The following URI1 variants were observed in gnomAD, a reference collection of about 807,000 sequenced individuals.
URI1 encodes the protein URI1 prefoldin like chaperone.
In URI1, 39 loss-of-function variants were observed where a neutral mutation model predicts 60.2. The ratio of observed to expected loss-of-function variants is 0.65; its 90% CI spans 0.50 to 0.85. The LOEUF (loss-of-function observed/expected upper bound fraction) is 0.85, where lower values mean the gene tolerates loss of function less well. Ranked by LOEUF, URI1 falls within the 40% of genes least tolerant of loss-of-function variation. The pLI, the probability that URI1 is intolerant of heterozygous loss-of-function variation, is 0.00. For synonymous variants in URI1, 251 were observed against 236.8 expected (o/e 1.06, Z -0.55); for missense variants, 691 against 665.9 (o/e 1.04, Z -0.42).
Position 29,937,122 on chromosome 19 carries a change from GTTCT to G in URI1, c.63+13374_63+13377del, listed in dbSNP as rs1167388281. 2.6e-5 allele frequency among the ~76,000 whole-genome samples: 4 copies of G among 152,132 alleles called. 1 individual carries two copies. Among genetic ancestry groups the G allele is most frequent in the Admixed American group, 1.3e-4 (2 of 15,266 alleles). On this transcript the variant is annotated intron_variant, in intron 1 of 10. Coordinates refer to the URI1 transcript ENST00000360605. ...AATTGCCTTATCTTCAAGTTCACTG[GTTCT>G]TTCTTCTTCCTGATTCTTCAGATCA... is the stretch of plus-strand genomic sequence containing the variant.
At chr19:29,932,750 C>T (rs1038509248) in intron 1 of URI1, among the ~76,000 whole-genome samples, 3 of 150,940 alleles carry the variant, frequency 2.0e-5, no homozygotes, top group African/African-American at 7.3e-5. Context: ...CTCCCGGGTT[C>T]AAGCAATTCT....
At chr19:29,951,924 C>T (rs538916754) in intron 1 of URI1, among the ~76,000 whole-genome samples, 26 of 152,148 alleles carry the variant, frequency 1.7e-4, no homozygotes, top group Non-Finnish European at 3.2e-4. Flanking sequence ...CTGTAGTTTG[C>T]CTTAGTCCTG....
chr19:29,977,281 A>G (rs2055535383), intron 2 of URI1, among the ~76,000 whole-genome samples: 1 of 152,146 alleles, frequency 6.6e-6, no homozygotes, highest in African/African-American at 2.4e-5. Flanking sequence ...TATCATTGTA[A>G]CAATGCCATG....
chr19:29,972,902 A>G (rs2055476627), intron 2 of URI1, among the ~76,000 whole-genome samples: 1 of 152,166 alleles, frequency 6.6e-6, no homozygotes, highest in Non-Finnish European at 1.5e-5. Flanking sequence ...TTGAAGTAAT[A>G]TAGTACTTTA....
chr19:29,951,297 C>G (rs1322577433), intron 1 of URI1, among the ~76,000 whole-genome samples: 1 of 152,174 alleles, frequency 6.6e-6, no homozygotes, highest in African/African-American at 2.4e-5. Context: ...TCCTCAAAAG[C>G]CTTTTGCCAT....
chr19:29,945,899 T>C (rs2055097343), intron 1 of URI1, among the ~76,000 whole-genome samples: 1 of 152,216 alleles, frequency 6.6e-6, no homozygotes, highest in Non-Finnish European at 1.5e-5. Context: ...ATAAAACTTA[T>C]TTTAATTTTA....
chr19:29,999,237 T>G (rs1159405966), intron 4 of URI1, among the ~76,000 whole-genome samples: 3 of 152,248 alleles, frequency 2.0e-5, no homozygotes, highest in Non-Finnish European at 4.4e-5. Flanking sequence ...ACAGTAATAC[T>G]TATTTTTGCC....
chr19:29,994,301 C>T (rs1049912267), intron 4 of URI1, among the ~76,000 whole-genome samples: 1 of 151,592 alleles, frequency 6.6e-6, no homozygotes, highest in Non-Finnish European at 1.5e-5. Flanking sequence ...TCCTCCTTTT[C>T]CTCCCCTCCC....
intron 3 of URI1, among the ~76,000 whole-genome samples, chr19:29,985,713 G>A (rs978432990): frequency 6.6e-6 from 1 of 151,812 alleles, no homozygotes; most frequent in African/African-American, 2.4e-5. Flanking sequence ...TTGTTTTAAT[G>A]ATCTTCACAT....
intron 1 of URI1, among the ~76,000 whole-genome samples, chr19:29,955,400 A>G (rs1018536726): frequency 1.3e-5 from 2 of 152,112 alleles, no homozygotes; most frequent in South Asian, 2.1e-4. Context: ...CACTTTATGC[A>G]TATGTTGTTT....
rs868194018 is a variant in URI1 at position 30,015,713 on chromosome 19, T to C, written c.*644T>C. On this transcript the variant is annotated 3_prime_UTR_variant, in exon 11 of 11. Coordinates refer to ENST00000392271, the MANE Select transcript of URI1 (RefSeq NM_003796.3). ...TTATGAAACTTGGTCTCAAAAATGT[T>C]GTGAACTTTATGATTCAAAATTGAG... 1 of 881,908 alleles carries C rather than the reference T, an allele frequency of 1.1e-6. No individual in the cohort carries two copies. Among genetic ancestry groups the C allele is most frequent in the African/African-American group, 1.7e-5 (1 of 58,990 alleles). 54.6% of individuals were successfully genotyped at this position (881,908 alleles called of 1,614,324 possible).
chr19:29,954,416 G>T (rs2055217238), intron 1 of URI1, among the ~76,000 whole-genome samples: 1 of 151,674 alleles, frequency 6.6e-6, no homozygotes, highest in African/African-American at 2.4e-5. Context: ...GAAAACATTT[G>T]CATGGTTCAA....
Position 29,979,197 on chromosome 19 carries a change from C to T in URI1, c.153-6026C>T, listed in dbSNP as rs143223287. ...TTTCAAAGCTTAAGTCAGCTATAAA[C>T]TCATCACACCTTTTCTAAAAGGTCC... On this transcript the variant is annotated intron_variant, in intron 2 of 10. Transcript: ENST00000392271. Among the ~76,000 whole-genome samples the T allele has an allele frequency of 2.6e-3, 399 of 152,244 alleles. 3 individuals carry two copies. The highest frequency in any genetic ancestry group is 9.2e-3 in the African/African-American group (381 of 41,542).
At position 30,012,534 on chromosome 19, in the gene URI1, G is replaced by GGAAC; in HGVS notation, c.1425+3_1425+4insGAAC. On this transcript the variant is annotated splice_donor_region_variant and intron_variant, in intron 10 of 10. Coordinates refer to ENST00000392271, the MANE Select transcript of URI1 (RefSeq NM_003796.3). Reference sequence around the variant, plus strand: ...TGCCCTTATCAGTAACACCTGAGGTGTGTGTGTGTATCTTTTAATTCTTTA... The same window carrying GGAAC: ...TGCCCTTATCAGTAACACCTGAGGTGGAACTGTGTGTGTATCTTTTAATTCTTTA... 10 of 1,612,378 alleles carry GGAAC rather than the reference G, an allele frequency of 6.2e-6. No homozygotes were observed. Among genetic ancestry groups the GGAAC allele is most frequent in the Admixed American group, 3.3e-5 (2 of 59,880 alleles).
chr19:29,942,252 C>T lies in URI1; in HGVS notation c.-296C>T. 1 of 984,634 alleles carries T rather than the reference C, an allele frequency of 1.0e-6. No individual in the cohort carries two copies. The highest frequency in any genetic ancestry group is 1.2e-6 in the Non-Finnish European group (1 of 829,618). 61.0% of individuals were successfully genotyped at this position (984,634 alleles called of 1,614,324 possible). ...GAGAGGCGGGGCGTGTGGGGAGGCGCGGCCGCCACGCGACGCCTGGCTGGG... is the reference window on the plus strand; with the variant it reads ...GAGAGGCGGGGCGTGTGGGGAGGCGTGGCCGCCACGCGACGCCTGGCTGGG... On this transcript the variant is annotated 5_prime_UTR_variant, in exon 1 of 11. Transcript: ENST00000392271.
chr19:29,976,011 G>GTATCC (rs1231316865), intron 2 of URI1, among the ~76,000 whole-genome samples: 1 of 152,084 alleles, frequency 6.6e-6, no homozygotes, highest in African/African-American at 2.4e-5. Flanking sequence ...TACCTACCCT[G>GTATCC]TATCATTAAC....
chr19:29,967,169 C>T (rs947519092), intron 1 of URI1, among the ~76,000 whole-genome samples: 4 of 152,146 alleles, frequency 2.6e-5, no homozygotes, highest in African/African-American at 9.7e-5. Context: ...GGAACAACAG[C>T]TAAGAAATTA....
chr19:29,948,260 C>G (rs2055127021), intron 1 of URI1, among the ~76,000 whole-genome samples: 1 of 152,082 alleles, frequency 6.6e-6, no homozygotes, highest in South Asian at 2.1e-4. Flanking sequence ...TATGCTGTTT[C>G]TTTCTTTTTC....
intron 2 of URI1, among the ~76,000 whole-genome samples, chr19:29,971,603 A>G (rs2055460504): frequency 6.6e-6 from 1 of 151,756 alleles, no homozygotes; most frequent in Non-Finnish European, 1.5e-5. Flanking sequence ...TAAAATAATG[A>G]TGGAAATAGG....
Sources: allele counts gnomAD v4.1 joint callset (sites outside exome capture counted in the v4.1 genomes callset), GRCh38; gene constraint gnomAD v4.1.1; transcripts MANE v1.5; gene names NCBI Gene and HGNC (gene_info 2026-07-23, HGNC 2026-07-21).